The following GCDH variants were observed in gnomAD, a reference collection of about 807,000 sequenced individuals.
The protein encoded by GCDH is glutaryl-CoA dehydrogenase, mitochondrial.
GCDH carries 31 observed loss-of-function variants against 52.8 expected under a neutral mutation model. That is an observed-to-expected ratio of 0.59 (90% confidence interval 0.44 to 0.79). The LOEUF is 0.79. Among genes scored for constraint, GCDH ranks in the 30% least tolerant of loss-of-function variants. The pLI is 0.00. For synonymous variants in GCDH, 242 were observed against 250.0 expected (o/e 0.97, Z 0.30); for missense variants, 509 against 595.0 (o/e 0.86, Z 1.50).
intron 11 of GCDH, chr19:12,898,406 T>A (rs1443355077): frequency 2.7e-5 from 4 of 150,880 alleles, no homozygotes; most frequent in Non-Finnish European, 5.7e-5. Flanking sequence ...TATGTAGAAA[T>A]AGAGGGAGGT....
At chr19:12,894,580 A>T in intron 6 of GCDH, 1 of 665,430 alleles carries the variant, frequency 1.5e-6, no homozygotes. Context: ...GTCTCTCTAA[A>T]GAAAATGATG....
Position 12,891,570 on chromosome 19 carries a change from T to C in GCDH, c.127+48T>C, listed in dbSNP as rs3745647. The C allele has an allele frequency of 0.037, 59,758 of 1,613,942 alleles. 1,326 individuals carry two copies. The highest frequency in any genetic ancestry group is 0.09 in the African/African-American group (6,768 of 75,036). On this transcript the variant is annotated intron_variant, in intron 3 of 11. Transcript: ENST00000222214. ...TGTGTCTGCTGCCCCTGTTCAGCTG[T>C]CTGTCTGCCGCAGGTGGACTCTGTC...
intron 4 of GCDH, 58 bp downstream of exon 4, chr19:12,892,032 C>G (rs1464864877): frequency 6.2e-7 from 1 of 1,613,256 alleles, no homozygotes; most frequent in Non-Finnish European, 8.5e-7. Context: ...ATAGCCACCC[C>G]ACCTCAAGGC....
At position 12,896,853 on chromosome 19, in the gene GCDH, G is replaced by A; in HGVS notation, c.853-57G>A. The A allele has an allele frequency of 8.0e-7, 1 of 1,248,682 alleles. No homozygotes were observed. Among genetic ancestry groups the A allele is most frequent in the South Asian group, 1.2e-5 (1 of 83,214 alleles). 77.4% of individuals were successfully genotyped at this position (1,248,682 alleles called of 1,614,324 possible). ...CTTTCCCTGCTTCAGAGTTGGTTCT[G>A]CATAGGCCCTCTTGGTGTCTCTTGG... On this transcript the variant is annotated intron_variant, in intron 8 of 11. Transcript: ENST00000222214. The surrounding 1 kb of genome is among the most constrained non-coding windows in gnomAD (Gnocchi z 5.5).
At chr19:12,891,243 C>G in intron 1 of GCDH, 28 bp from the exon 2 acceptor site, 1 of 1,401,508 alleles carries the variant, frequency 7.1e-7, no homozygotes, top group South Asian at 1.2e-5. Flanking sequence ...GTGAGAGGAG[C>G]TCCGCTCTGA....
At chr19:12,898,192 G>A in intron 11 of GCDH, 1 of 407,842 alleles carries the variant, frequency 2.5e-6, no homozygotes. Context: ...TAGCAGGCTG[G>A]TGGACGCAAG....
At chr19:12,891,720 T>G in intron 3 of GCDH, 111 bp from the exon 4 acceptor site, 1 of 1,584,518 alleles carries the variant, frequency 6.3e-7, no homozygotes, top group Non-Finnish European at 8.6e-7. Flanking sequence ...CGCTTGCAGC[T>G]CGCACTAGCC....
Position 12,897,873 on chromosome 19 carries a change from G to A in GCDH, c.1243+10G>A. 1 of 1,612,236 alleles carries A rather than the reference G, an allele frequency of 6.2e-7. No individual in the cohort carries two copies. Among genetic ancestry groups the A allele is most frequent in the Non-Finnish European group, 8.5e-7 (1 of 1,178,564 alleles). On this transcript the variant is annotated intron_variant, in intron 11 of 11. Coordinates refer to ENST00000222214, the MANE Select transcript of GCDH (RefSeq NM_000159.4). ...GTGAACACCTACGAAGGTAGGAGCT[G>A]GACCTCAGAGGGCTCACTGAGGCCT...
intron 6 of GCDH, chr19:12,894,091 G>T: frequency 1.2e-6 from 1 of 857,282 alleles, no homozygotes; most frequent in Non-Finnish European, 1.9e-6. Context: ...GTGGACGTTG[G>T]CCCTCTTCCG....
chr19:12,894,913 C>CA (rs35759366), intron 6 of GCDH: 62,833 of 175,118 alleles, frequency 0.36, 8,840 homozygotes, highest in Admixed American at 0.44. Flanking sequence ...ATCAGATTCG[C>CA]AAAAAAAAAA....
intron 5 of GCDH, 62 bp downstream of exon 5, chr19:12,892,240 C>G: frequency 7.8e-7 from 1 of 1,286,110 alleles, no homozygotes; most frequent in Non-Finnish European, 1.1e-6. Flanking sequence ...CCTCTTCCTC[C>G]TTCCCTCCCT....
Position 12,896,826 on chromosome 19 carries a change from G to A in GCDH, c.853-84G>A, listed in dbSNP as rs1599616393. On this transcript the variant is annotated intron_variant, in intron 8 of 11. Coordinates refer to ENST00000222214, the MANE Select transcript of GCDH (RefSeq NM_000159.4). The surrounding 1 kb of genome is among the most constrained non-coding windows in gnomAD (Gnocchi z 5.5). ...CCCTGCGTGGGGTGGCTGGGGAGGA[G>A]GCTTTCCCTGCTTCAGAGTTGGTTC... The A allele has an allele frequency of 1.1e-6, 1 of 951,828 alleles. No individual in the cohort carries two copies. Among genetic ancestry groups the A allele is most frequent in the South Asian group, 1.3e-5 (1 of 75,500 alleles). The allele number at this position is 951,828 out of a possible 1,614,324, so 59.0% of individuals were successfully genotyped here. A position where few individuals can be genotyped will look rare whatever the true frequency, so the allele number is the denominator to read the frequency against.
intron 5 of GCDH, among the ~76,000 whole-genome samples, chr19:12,893,043 G>A (rs1403328398): frequency 2.0e-5 from 3 of 151,098 alleles, no homozygotes; most frequent in South Asian, 2.1e-4. Flanking sequence ...GCACCACCAC[G>A]CCCAGCTAAT....
At position 12,896,334 on chromosome 19, in the gene GCDH, G is replaced by A. The variant is rs1193455540; in HGVS notation, c.765G>A (p.Ser255=). Residue 255 remains serine, a synonymous_variant, in exon 8 of 12, where the codon TCG becomes TCA. Transcript: ENST00000222214. The surrounding 1 kb of genome is among the most constrained non-coding windows in gnomAD (Gnocchi z 5.5). ...LSAPRIQGKF[S]LRASATGMII... is the part of the protein sequence containing the mutation. ...CCCCCAGGATCCAGGGCAAGTTCTC[G>A]CTGCGGGCCTCAGCCACAGGCATGA... The A allele has an allele frequency of 3.1e-6, 5 of 1,614,156 alleles. No individual in the cohort carries two copies. Among genetic ancestry groups the A allele is most frequent in the East Asian group, 4.5e-5 (2 of 44,874 alleles).
At position 12,891,937 on chromosome 19, in the gene GCDH, A is replaced by C. The variant is rs758734982; in HGVS notation, c.234A>C (p.Arg78Ser). 2 of 1,614,014 alleles carry C rather than the reference A, an allele frequency of 1.2e-6. No homozygotes were observed. Among genetic ancestry groups the C allele is most frequent in the South Asian group, 2.2e-5 (2 of 91,076 alleles). The change falls in exon 4 of 12, where the codon AGA (arginine) becomes AGC (serine). Residue 78 changes from arginine (R) to serine (S), a missense_variant. Transcript: ENST00000222214. ...CCTTCCGCACCTACTGCCAGGAGAG[A>C]CTCATGCCTCGCATCCTGTTGGCCA... ...RDTFRTYCQERLMPRILLANR... is the reference protein window; with the variant it reads ...RDTFRTYCQESLMPRILLANR...
Position 12,893,556 on chromosome 19 carries a change from C to T in GCDH, c.408C>T (p.Gly136=). 6.2e-7 allele frequency: 1 copy of T among 1,613,804 alleles called. No individual in the cohort carries two copies. The highest frequency in any genetic ancestry group is 8.5e-7 in the Non-Finnish European group (1 of 1,179,744). Residue 136 remains glycine, a synonymous_variant, in exon 6 of 12, where the codon GGC becomes GGT. Coordinates refer to ENST00000222214, the MANE Select transcript of GCDH (RefSeq NM_000159.4). ...GAGAGCTGGAGCGGGTGGACAGTGG[C>T]TACAGGTCGGCGATGAGTGTCCAGT... ...LARELERVDS[G]YRSAMSVQSS...
Position 12,891,348 on chromosome 19 carries a change from C to T in GCDH, c.44C>T (p.Pro15Leu), listed in dbSNP as rs777395635. Residue 15 changes from proline to leucine, a missense_variant, in exon 2 of 12, where the codon CCC (proline) becomes CTC (leucine). Pro to Leu is a moderately conservative substitution (Grantham distance 98, BLOSUM62 -3). Transcript: ENST00000222214. ...TCCGTGCGGCTGCTGAGCCGCGGAC[C>T]CGGCCTGCACGTCCTTCGCACGTGG... ...GVSVRLLSRG[P>L]GLHVLRTWVS... is the part of the protein sequence containing the mutation. 4 of 1,612,966 alleles carry T rather than the reference C, an allele frequency of 2.5e-6. No individual in the cohort carries two copies. Among genetic ancestry groups the T allele is most frequent in the African/African-American group, 2.7e-5 (2 of 74,940 alleles).
chr19:12,891,168 T>A lies in GCDH; in HGVS notation c.-69T>A, dbSNP rs950955521. ...GGTCAAAGGCCTGCGTCAGTTGCAC[T>A]GTAGCCTCGGCAGTGAACCGGGAGG... is the stretch of plus-strand genomic sequence containing the variant. On this transcript the variant is annotated 5_prime_UTR_variant, in exon 1 of 12. Coordinates refer to ENST00000222214, the MANE Select transcript of GCDH (RefSeq NM_000159.4). 2.8e-6 allele frequency: 2 copies of A among 706,066 alleles called. No homozygotes were observed. The highest frequency in any genetic ancestry group is 4.1e-5 in the Admixed American group (2 of 48,518). The allele number at this position is 706,066 out of a possible 1,614,324, so 43.7% of individuals were successfully genotyped here. A position where few individuals can be genotyped will look rare whatever the true frequency, so the allele number is the denominator to read the frequency against.
chr19:12,895,364 A>G (rs1047280917), intron 6 of GCDH, among the ~76,000 whole-genome samples: 3 of 151,830 alleles, frequency 2.0e-5, no homozygotes, highest in Non-Finnish European at 4.4e-5. Context: ...AGTTCAAGCA[A>G]TTCCTGTGCC....
Sources: gnomAD v4.1 joint callset for allele counts (sites outside exome capture counted in the v4.1 genomes callset) on GRCh38, gnomAD v4.1.1 for gene constraint, Gnocchi (gnomAD v3.1) non-coding constraint, MANE v1.5 for transcripts, NCBI Gene and HGNC (gene_info 2026-07-23, HGNC 2026-07-21) for gene names.